Variants in SEMA3C observed in about 807,000 individuals in gnomAD.
SEMA3C encodes semaphorin-3C.
A neutral mutation model predicts 89.4 loss-of-function variants in SEMA3C; 47 were observed. That is an observed-to-expected ratio of 0.53 (90% CI 0.42 to 0.67). The LOEUF is 0.67. Among genes scored for constraint, SEMA3C ranks in the 30% least tolerant of loss-of-function variants. SEMA3C has a pLI of 0.00. For synonymous variants in SEMA3C, 310 were observed against 320.2 expected (o/e 0.97, Z 0.34); for missense variants, 839 against 929.1 (o/e 0.90, Z 1.26).
chr7:80,796,367 TC>T, intron 11 of SEMA3C: 1 of 152,290 alleles, frequency 6.6e-6, no homozygotes, highest in East Asian at 1.9e-4. Context: ...TATCCAGCAC[TC>T]CCCAGTCTTT....
chr7:80,867,216 T>A (rs972952298), intron 2 of SEMA3C, among the ~76,000 whole-genome samples: 5 of 152,170 alleles, frequency 3.3e-5, no homozygotes, highest in African/African-American at 1.2e-4. Context: ...ACAGAAAATA[T>A]CTATGTTGAA....
chr7:80,757,671 A>T (rs17147992), intron 15 of SEMA3C, among the ~76,000 whole-genome samples: 17,249 of 152,242 alleles, frequency 0.11, 1,026 homozygotes, highest in Admixed American at 0.15. Context: ...ACACTAAAGC[A>T]TATAAAATAA....
chr7:80,901,055 G>A (rs377730858), intron 2 of SEMA3C, among the ~76,000 whole-genome samples: 1 of 152,190 alleles, frequency 6.6e-6, no homozygotes, highest in African/African-American at 2.4e-5. Flanking sequence ...GAGGAAATGA[G>A]TCACAGTTTT....
intron 17 of SEMA3C, 139 bp from the exon 18 acceptor site, chr7:80,745,446 A>G (rs555188208): frequency 1.2e-5 from 10 of 820,280 alleles, no homozygotes; most frequent in Admixed American, 3.0e-5. Context: ...TTCTCAGTGG[A>G]CATGAAATTT....
intron 16 of SEMA3C, among the ~76,000 whole-genome samples, chr7:80,750,069 A>G: frequency 6.6e-6 from 1 of 152,156 alleles, no homozygotes; most frequent in East Asian, 1.9e-4. Flanking sequence ...TAGTTAGTAA[A>G]AAGAATGCCA....
At chr7:80,827,564 G>T in intron 3 of SEMA3C, 77 bp from the exon 4 acceptor site, 1 of 1,184,914 alleles carries the variant, frequency 8.4e-7, no homozygotes, top group Non-Finnish European at 1.2e-6. Context: ...TTTACTTTTT[G>T]TTAACAGATT....
chr7:80,804,569 T>G (rs1266109687), intron 7 of SEMA3C, among the ~76,000 whole-genome samples: 2 of 152,166 alleles, frequency 1.3e-5, no homozygotes, highest in Non-Finnish European at 2.9e-5. Context: ...TTTCAAAGTA[T>G]GTTTTTCAAT....
chr7:80,850,368 T>C (rs575994635), intron 2 of SEMA3C, among the ~76,000 whole-genome samples: 1 of 152,324 alleles, frequency 6.6e-6, no homozygotes, highest in Non-Finnish European at 1.5e-5. Context: ...ACGGAAATGG[T>C]ATGAATGTCC....
At chr7:80,873,562 A>C (rs533388133) in intron 2 of SEMA3C, among the ~76,000 whole-genome samples, 1 of 152,190 alleles carries the variant, frequency 6.6e-6, no homozygotes, top group Non-Finnish European at 1.5e-5. Context: ...CATCTAGTGC[A>C]TTAGAGGAAG....
chr7:80,875,184 G>A (rs2116069672), intron 2 of SEMA3C, among the ~76,000 whole-genome samples: 1 of 151,974 alleles, frequency 6.6e-6, no homozygotes, highest in Non-Finnish European at 1.5e-5. Flanking sequence ...AAGTGTTCAA[G>A]TCTTTTTAAC....
chr7:80,816,129 A>G (rs928572670), intron 5 of SEMA3C: 1 of 152,128 alleles, frequency 6.6e-6, no homozygotes, highest in Non-Finnish European at 1.5e-5. Flanking sequence ...AAATCTCAGA[A>G]AGCTCTGAAT....
At chr7:80,837,518 T>C (rs576460837) in intron 2 of SEMA3C, among the ~76,000 whole-genome samples, 2 of 152,180 alleles carry the variant, frequency 1.3e-5, no homozygotes, top group Non-Finnish European at 2.9e-5. Flanking sequence ...TCCTATGATC[T>C]AGTTCCAGAT....
intron 2 of SEMA3C, among the ~76,000 whole-genome samples, chr7:80,863,849 T>C (rs928578487): frequency 6.8e-6 from 1 of 147,444 alleles, no homozygotes; most frequent in Non-Finnish European, 1.5e-5. Context: ...ATATCACATA[T>C]CACATACATA....
chr7:80,803,907 A>G (rs1162550583), intron 8 of SEMA3C, among the ~76,000 whole-genome samples, 199 bp downstream of exon 8: 1 of 152,072 alleles, frequency 6.6e-6, no homozygotes, highest in Non-Finnish European at 1.5e-5. Context: ...GAGGGTTAGA[A>G]TTTGGGTTGG....
chr7:80,820,695 G>C (rs1369017380), intron 4 of SEMA3C, among the ~76,000 whole-genome samples: 1 of 152,072 alleles, frequency 6.6e-6, no homozygotes, highest in Non-Finnish European at 1.5e-5. Flanking sequence ...CTTGACACCT[G>C]TTTATAGAGG....
intron 12 of SEMA3C, 47 bp from the exon 13 acceptor site, chr7:80,765,290 G>A (rs1410212405): frequency 4.9e-6 from 7 of 1,416,996 alleles, no homozygotes; most frequent in East Asian, 2.3e-5. Flanking sequence ...CTTTTTAAAA[G>A]AAAGCTATTT....
intron 15 of SEMA3C, among the ~76,000 whole-genome samples, chr7:80,753,426 C>T (rs2117037403): frequency 6.6e-6 from 1 of 152,288 alleles, no homozygotes; most frequent in South Asian, 2.1e-4. Context: ...CTGTGATCAA[C>T]ACTATGTAAT....
chr7:80,848,234 T>C (rs1790434768), intron 2 of SEMA3C, among the ~76,000 whole-genome samples: 1 of 152,170 alleles, frequency 6.6e-6, no homozygotes, highest in Admixed American at 6.6e-5. Context: ...CTATTCCAAG[T>C]CATGTCTCCC....
chr7:80,888,767 C>CA (rs1171809378), intron 2 of SEMA3C, among the ~76,000 whole-genome samples: 3 of 151,928 alleles, frequency 2.0e-5, no homozygotes, highest in Admixed American at 2.0e-4. Context: ...ACCACAATAA[C>CA]AAAAAAATAT....
Sources: allele counts gnomAD v4.1 joint callset (sites outside exome capture counted in the v4.1 genomes callset), GRCh38; gene constraint gnomAD v4.1.1; transcripts MANE v1.5; gene names NCBI Gene and HGNC (gene_info 2026-07-23, HGNC 2026-07-21).